The following ADGRE1 variants were observed in gnomAD, a reference collection of about 807,000 sequenced individuals.
ADGRE1 encodes the protein adhesion G protein-coupled receptor E1.
ADGRE1 carries 82 observed loss-of-function variants against 102.7 expected under a neutral mutation model. The observed-to-expected ratio is 0.80, with a 90% CI of 0.67 to 0.96. ADGRE1 has a LOEUF of 0.96. ADGRE1 is among the 40% of genes least tolerant of loss of function. ADGRE1 has a pLI of 0.00. For synonymous variants in ADGRE1, 398 were observed against 399.6 expected, an observed-to-expected ratio of 1.00 and a Z score of 0.05; for missense variants, 1,032 against 1,085.3, an observed-to-expected ratio of 0.95 and a Z score of 0.69.
chr19:6,917,323 C>T (rs895940685), intron 12 of ADGRE1, among the ~76,000 whole-genome samples: 2 of 152,016 alleles, frequency 1.3e-5, no homozygotes, highest in African/African-American at 4.8e-5. Context: ...GTAGAGAAAG[C>T]AGGAGAGAGT....
intron 2 of ADGRE1, 186 bp from the exon 3 acceptor site, chr19:6,896,212 C>G: frequency 3.5e-6 from 2 of 569,162 alleles, no homozygotes; most frequent in East Asian, 5.8e-5. Flanking sequence ...TTAATTGCAT[C>G]TACAAAGACC....
intron 17 of ADGRE1, among the ~76,000 whole-genome samples, chr19:6,930,286 G>C (rs1198193154): frequency 6.6e-6 from 1 of 152,176 alleles, no homozygotes; most frequent in Non-Finnish European, 1.5e-5. Flanking sequence ...GTGGATCGAG[G>C]CAAAGGGAGG....
intron 12 of ADGRE1, among the ~76,000 whole-genome samples, chr19:6,918,143 A>T (rs1045723346): frequency 6.6e-6 from 1 of 152,174 alleles, no homozygotes; most frequent in Non-Finnish European, 1.5e-5. Flanking sequence ...AGATGCAGAT[A>T]AAAGAAGATG....
intron 5 of ADGRE1, among the ~76,000 whole-genome samples, chr19:6,900,534 A>G (rs1325435482): frequency 1.3e-5 from 2 of 152,174 alleles, no homozygotes; most frequent in Non-Finnish European, 2.9e-5. Flanking sequence ...ACTGTTTTCC[A>G]TCCTTGGTTC....
intron 8 of ADGRE1, 43 bp from the exon 9 acceptor site, chr19:6,906,390 C>A: frequency 6.5e-7 from 1 of 1,533,358 alleles, no homozygotes; most frequent in Non-Finnish European, 9.0e-7. Context: ...TCTTATTTTG[C>A]TGAGGTTGAA....
chr19:6,895,003 AC>A (rs1321860654), intron 2 of ADGRE1: 2 of 152,242 alleles, frequency 1.3e-5, no homozygotes, highest in East Asian at 3.8e-4. Flanking sequence ...TATGAATGAA[AC>A]AATGCAGATG....
At chr19:6,926,867 C>T (rs982791522) in intron 16 of ADGRE1, among the ~76,000 whole-genome samples, 3 of 148,870 alleles carry the variant, frequency 2.0e-5, no homozygotes, top group Non-Finnish European at 4.4e-5. Context: ...CCTTTTCTTG[C>T]GTGTATGACA....
chr19:6,890,683 C>A, intron 2 of ADGRE1, 140 bp downstream of exon 2: 1 of 788,052 alleles, frequency 1.3e-6, no homozygotes. Context: ...ACATGCAAGT[C>A]TCCTGATTCT....
At chr19:6,912,734 G>T (rs144490451) in intron 10 of ADGRE1, among the ~76,000 whole-genome samples, 1 of 152,260 alleles carries the variant, frequency 6.6e-6, no homozygotes, top group Non-Finnish European at 1.5e-5. Flanking sequence ...TATTGACCCA[G>T]TCTGTAGGGC....
chr19:6,936,186 C>T (rs1428439460), intron 18 of ADGRE1, among the ~76,000 whole-genome samples: 1 of 152,108 alleles, frequency 6.6e-6, no homozygotes, highest in African/African-American at 2.4e-5. Context: ...CCTGTATTCC[C>T]AGCAGTTTGG....
intron 16 of ADGRE1, 105 bp from the exon 17 acceptor site, chr19:6,928,040 C>A: frequency 7.2e-7 from 1 of 1,387,560 alleles, no homozygotes; most frequent in Non-Finnish European, 9.7e-7. Flanking sequence ...TCATCTGAGT[C>A]TCACCTCCCA....
intron 12 of ADGRE1, among the ~76,000 whole-genome samples, chr19:6,918,215 A>G (rs1392027263): frequency 6.6e-6 from 1 of 152,088 alleles, no homozygotes. Context: ...CAAGGCGGGC[A>G]GATCACCTGA....
At chr19:6,923,954 A>T (rs1484703202) in intron 14 of ADGRE1, among the ~76,000 whole-genome samples, 1 of 151,444 alleles carries the variant, frequency 6.6e-6, no homozygotes, top group African/African-American at 2.4e-5. Flanking sequence ...AATTAATTTT[A>T]AAATTAATTA....
chr19:6,911,898 C>A (rs545906147), intron 10 of ADGRE1, among the ~76,000 whole-genome samples: 2 of 151,464 alleles, frequency 1.3e-5, no homozygotes, highest in South Asian at 4.2e-4. Flanking sequence ...ACATACACCC[C>A]ACACACATTT....
chr19:6,935,838 T>C (rs1975380654), intron 18 of ADGRE1, among the ~76,000 whole-genome samples: 1 of 152,234 alleles, frequency 6.6e-6, no homozygotes, highest in African/African-American at 2.4e-5. Context: ...ACCTATTTAC[T>C]TGCAACATTG....
intron 2 of ADGRE1, among the ~76,000 whole-genome samples, chr19:6,893,636 T>C (rs1973455832): frequency 6.6e-6 from 1 of 152,260 alleles, no homozygotes; most frequent in Admixed American, 6.5e-5. Flanking sequence ...AAGGTCTGGC[T>C]CTGCTGCTCT....
At chr19:6,927,492 A>G (rs1433939490) in intron 16 of ADGRE1, among the ~76,000 whole-genome samples, 3 of 152,096 alleles carry the variant, frequency 2.0e-5, no homozygotes, top group Non-Finnish European at 2.9e-5. Flanking sequence ...TTACACAAGC[A>G]ATTAAACAAG....
chr19:6,896,302 C>A, intron 2 of ADGRE1, 96 bp from the exon 3 acceptor site: 1 of 1,265,802 alleles, frequency 7.9e-7, no homozygotes, highest in Non-Finnish European at 1.1e-6. Flanking sequence ...ACAATCCAAC[C>A]CATAACAGTC....
intron 9 of ADGRE1, among the ~76,000 whole-genome samples, chr19:6,907,338 G>GA (rs1425836997): frequency 2.2e-5 from 3 of 134,328 alleles, no homozygotes; most frequent in Admixed American, 1.5e-4. Flanking sequence ...TCTAGTTCTA[G>GA]AAATTTTTTT....
Sources: gnomAD v4.1 joint callset for allele counts (sites outside exome capture counted in the v4.1 genomes callset) on GRCh38, gnomAD v4.1.1 for gene constraint, MANE v1.5 for transcripts, NCBI Gene and HGNC (gene_info 2026-07-23, HGNC 2026-07-21) for gene names.